The following HEXB variants were observed in gnomAD, a reference collection of about 807,000 sequenced individuals.
HEXB encodes the protein beta-hexosaminidase subunit beta.
Under a neutral mutation model 71.2 loss-of-function variants are expected in HEXB, and 51 were observed. The observed-to-expected ratio is 0.72, with a 90% CI of 0.57 to 0.90. The LOEUF is 0.90. HEXB is among the 40% of genes least tolerant of loss of function. HEXB has a pLI of 0.00. For synonymous variants in HEXB, 266 were observed against 249.3 expected (o/e 1.07, Z -0.63); for missense variants, 617 against 677.0 (o/e 0.91, Z 0.98).
At chr5:74,717,543 G>T (rs1206565025) in intron 9 of HEXB, among the ~76,000 whole-genome samples, 2 of 150,882 alleles carry the variant, frequency 1.3e-5, no homozygotes. Context: ...TGCTCTAGAG[G>T]GATTGGCAAA....
intron 6 of HEXB, among the ~76,000 whole-genome samples, chr5:74,709,068 A>G (rs945996324): frequency 2.0e-5 from 3 of 152,066 alleles, no homozygotes; most frequent in African/African-American, 7.2e-5. Flanking sequence ...CAAATGTAAA[A>G]GAACAGAAAT....
chr5:74,687,124 CATTA>C (rs1748893073), intron 1 of HEXB, among the ~76,000 whole-genome samples: 2 of 152,290 alleles, frequency 1.3e-5, no homozygotes, highest in South Asian at 4.1e-4. Context: ...GTGAAGCAGC[CATTA>C]ATTATGCCTG....
intron 1 of HEXB, among the ~76,000 whole-genome samples, chr5:74,651,884 C>A (rs370927731): frequency 6.6e-6 from 1 of 152,166 alleles, no homozygotes; most frequent in Non-Finnish European, 1.5e-5. Flanking sequence ...TAATGGAAAG[C>A]CAGAGCATAT....
intron 1 of HEXB, among the ~76,000 whole-genome samples, chr5:74,643,619 A>T (rs1747948102): frequency 6.6e-6 from 1 of 152,166 alleles, no homozygotes; most frequent in Non-Finnish European, 1.5e-5. Flanking sequence ...ATCTCCCCTA[A>T]CAATGTTATT....
chr5:74,702,223 C>T (rs1345925304), intron 5 of HEXB, among the ~76,000 whole-genome samples: 2 of 148,292 alleles, frequency 1.3e-5, no homozygotes, highest in Admixed American at 6.7e-5. Context: ...GGACTACAGG[C>T]GCCCGCCACT....
chr5:74,679,612 C>T (rs1298639846), intron 1 of HEXB, among the ~76,000 whole-genome samples: 1 of 151,750 alleles, frequency 6.6e-6, no homozygotes, highest in African/African-American at 2.4e-5. Context: ...CCAGCCTGGC[C>T]AACATGGTGA....
intron 5 of HEXB, among the ~76,000 whole-genome samples, chr5:74,699,987 A>C (rs976252309): frequency 4.1e-5 from 6 of 145,960 alleles, no homozygotes; most frequent in Non-Finnish European, 7.5e-5. Context: ...TTTATATTAT[A>C]AACTGTAAGT....
chr5:74,672,349 G>C (rs889154918), intron 1 of HEXB, among the ~76,000 whole-genome samples: 9 of 152,228 alleles, frequency 5.9e-5, no homozygotes, highest in African/African-American at 2.2e-4. Context: ...TTCCAGCTGA[G>C]CTTTCTGGTC....
Position 74,697,122 on chromosome 5 carries a change from A to G in HEXB, c.669+16A>G, listed in dbSNP as rs1186838481. 9.1e-7 allele frequency: 1 copy of G among 1,094,714 alleles called. No individual in the cohort carries two copies. Among genetic ancestry groups the G allele is most frequent in the Non-Finnish European group, 1.4e-6 (1 of 707,622 alleles). The allele number at this position is 1,094,714 out of a possible 1,614,324, so 67.8% of individuals were successfully genotyped here. A position where few individuals can be genotyped will look rare whatever the true frequency, so the allele number is the denominator to read the frequency against. On this transcript the variant is annotated intron_variant, in intron 5 of 13. Coordinates refer to ENST00000261416, the MANE Select transcript of HEXB (RefSeq NM_000521.4). ...TAAAACTCTGGTAAGTAATTACTTC[A>G]TTCTAATCTGTTGTCTATTCTGAAG...
intron 1 of HEXB, among the ~76,000 whole-genome samples, chr5:74,650,784 G>A (rs940829567): frequency 1.0e-4 from 15 of 148,884 alleles, no homozygotes; most frequent in African/African-American, 2.8e-4. Context: ...AAATTAGCTG[G>A]GCGTGGTGGT....
At chr5:74,706,672 G>A (rs945209576) in intron 6 of HEXB, among the ~76,000 whole-genome samples, 3 of 152,294 alleles carry the variant, frequency 2.0e-5, no homozygotes, top group South Asian at 2.1e-4. Context: ...AGGGTCCTAC[G>A]TGCACGGAGT....
chr5:74,665,845 C>T (rs1748422913), intron 1 of HEXB, among the ~76,000 whole-genome samples: 1 of 152,136 alleles, frequency 6.6e-6, no homozygotes, highest in East Asian at 1.9e-4. Context: ...GGTTCCCTTA[C>T]TTTTCAAGTT....
intron 5 of HEXB, among the ~76,000 whole-genome samples, chr5:74,704,234 T>C (rs1024925897): frequency 1.3e-5 from 2 of 152,182 alleles, no homozygotes; most frequent in Non-Finnish European, 2.9e-5. Context: ...CCTCCTTTTA[T>C]CCTCAATATA....
intron 2 of HEXB, among the ~76,000 whole-genome samples, chr5:74,692,759 TA>T (rs1749031706): frequency 6.6e-6 from 1 of 152,194 alleles, no homozygotes; most frequent in Admixed American, 6.5e-5. Flanking sequence ...ATTAAATCAT[TA>T]ATCTCCAGCC....
chr5:74,721,118 A>C lies in HEXB; in HGVS notation c.1614A>C (p.Glu538Asp). The C allele has an allele frequency of 3.1e-6, 5 of 1,608,174 alleles. No individual in the cohort carries two copies. The South Asian group carries it at 5.5e-5, about 18-fold the overall frequency. Residue 538 changes from glutamate to aspartate, a missense_variant and splice_region_variant, in exon 14 of 14, where the codon GAA (glutamate) becomes GAC (aspartate). Physicochemically the swap from Glu to Asp is conservative, Grantham distance 45. Transcript: ENST00000261416. ...RLTRHRCRMV[E>D]RGIAAQPLYA... ...ATATCTTTATTCATGTTATCTACAGACGTGGAATAGCTGCACAACCTCTTT... is the reference window on the plus strand; with the variant it reads ...ATATCTTTATTCATGTTATCTACAGCCGTGGAATAGCTGCACAACCTCTTT...
rs546976547 is a variant in HEXB at position 74,665,279 on chromosome 5, A to AT, written c.-376-24048dup. 4.1e-3 allele frequency among the ~76,000 whole-genome samples: 624 copies of AT among 152,390 alleles called. 20 individuals carry two copies. The highest frequency in any genetic ancestry group is 0.038 in the Admixed American group (581 of 15,306). Reference sequence around the variant, plus strand: ...TAAAATTCTGTAAAATGAAAAGTACATAAGTAAACAGTGGTTATAACTGAA... The same window carrying AT: ...TAAAATTCTGTAAAATGAAAAGTACATTAAGTAAACAGTGGTTATAACTGAA... On this transcript the variant is annotated intron_variant, in intron 1 of 13. Coordinates refer to the HEXB transcript ENST00000511181.
Position 74,705,630 on chromosome 5 carries a change from T to C in HEXB, c.771+310T>C, listed in dbSNP as rs1378076191. 1.2e-5 allele frequency: 4 copies of C among 322,324 alleles called. No individual in the cohort carries two copies. In the East Asian group the frequency reaches 2.0e-4, roughly 16 times the overall value. 20.0% of individuals were successfully genotyped at this position (322,324 alleles called of 1,614,324 possible). Reference sequence around the variant, plus strand: ...TGGTTAAGATAATATATTTATCAAGTTGTCCAACAGTGTATTTGTTTTAAA... The same window carrying C: ...TGGTTAAGATAATATATTTATCAAGCTGTCCAACAGTGTATTTGTTTTAAA... On this transcript the variant is annotated intron_variant, in intron 6 of 13. Transcript: ENST00000261416.
chr5:74,691,201 TA>T (rs1484880366), intron 2 of HEXB, among the ~76,000 whole-genome samples: 1 of 152,152 alleles, frequency 6.6e-6, no homozygotes, highest in Non-Finnish European at 1.5e-5. Context: ...ATGATAAAAG[TA>T]ACACATATGA....
intron 10 of HEXB, 54 bp from the exon 11 acceptor site, chr5:74,718,743 T>G: frequency 6.5e-7 from 1 of 1,532,234 alleles, no homozygotes; most frequent in Non-Finnish European, 9.0e-7. Context: ...AACTTTCAAT[T>G]TCATCTACTG....
Sources: allele counts gnomAD v4.1 joint callset (sites outside exome capture counted in the v4.1 genomes callset), GRCh38; gene constraint gnomAD v4.1.1; transcripts MANE v1.5; gene names NCBI Gene and HGNC (gene_info 2026-07-23, HGNC 2026-07-21).